PARD3B: variants seen among roughly 807,000 people sequenced by gnomAD.
The protein encoded by PARD3B is par-3 family cell polarity regulator beta, also known as partitioning defective 3 homolog B.
A neutral mutation model predicts 130.2 loss-of-function variants in PARD3B; 103 were observed. The ratio of observed to expected loss-of-function variants is 0.79; its 90% confidence interval spans 0.67 to 0.93. The LOEUF (loss-of-function observed/expected upper bound fraction) is 0.93, where lower values mean the gene tolerates loss of function less well. PARD3B is among the 40% of genes least tolerant of loss of function. The pLI is 0.00. For missense variants in PARD3B, 1,609 were observed against 1,499.2 expected (o/e 1.07, Z -1.21); for synonymous variants, 583 against 553.2 (o/e 1.05, Z -0.76).
At chr2:204,684,193 T>C (rs2036970650) in intron 1 of PARD3B, among the ~76,000 whole-genome samples, 1 of 152,204 alleles carries the variant, frequency 6.6e-6, no homozygotes. Context: ...ACCTCCATCG[T>C]AGGTGATAAA....
chr2:205,551,220 A>G (rs2052631844), intron 21 of PARD3B, among the ~76,000 whole-genome samples: 1 of 151,884 alleles, frequency 6.6e-6, no homozygotes, highest in Non-Finnish European at 1.5e-5. Context: ...AATCACAATT[A>G]ATAACCTTCA....
At chr2:205,332,299 G>T (rs899638982) in intron 18 of PARD3B, among the ~76,000 whole-genome samples, 1 of 152,068 alleles carries the variant, frequency 6.6e-6, no homozygotes, top group Admixed American at 6.5e-5. Flanking sequence ...ATCCATACTC[G>T]TAAACTGTAT....
At chr2:204,796,012 A>G (rs2042362430) in intron 2 of PARD3B, among the ~76,000 whole-genome samples, 1 of 152,174 alleles carries the variant, frequency 6.6e-6, no homozygotes, top group Non-Finnish European at 1.5e-5. Flanking sequence ...TCTCTTTTGC[A>G]TATATGTCAT....
chr2:205,445,931 A>G (rs1406878924), intron 20 of PARD3B, among the ~76,000 whole-genome samples: 1 of 152,136 alleles, frequency 6.6e-6, no homozygotes, highest in Non-Finnish European at 1.5e-5. Flanking sequence ...TCAGTACTGG[A>G]CTCACCAGGG....
intron 1 of PARD3B, among the ~76,000 whole-genome samples, chr2:204,561,009 A>G (rs951105464): frequency 1.7e-5 from 2 of 118,662 alleles, no homozygotes; most frequent in Non-Finnish European, 3.5e-5. Flanking sequence ...TTCAGTGAAT[A>G]TGCCTGTGTT....
intron 1 of PARD3B, among the ~76,000 whole-genome samples, chr2:204,547,093 G>A (rs931246383): frequency 1.3e-5 from 2 of 152,154 alleles, no homozygotes; most frequent in South Asian, 2.1e-4. Flanking sequence ...ATTTGGTCTC[G>A]TGCCATGTGA....
chr2:205,256,182 G>GT (rs2040075134), intron 16 of PARD3B, among the ~76,000 whole-genome samples: 1 of 39,306 alleles, frequency 2.5e-5, no homozygotes, highest in Non-Finnish European at 7.2e-5. Context: ...CTCTCAGGAT[G>GT]TTTTTTTTAA....
At chr2:205,231,096 G>A (rs7593566) in intron 15 of PARD3B, among the ~76,000 whole-genome samples, 33,916 of 151,900 alleles carry the variant, frequency 0.22, 4,120 homozygotes, top group East Asian at 0.4. Context: ...TGAAGTAAAA[G>A]TGGTTACTGT....
intron 2 of PARD3B, among the ~76,000 whole-genome samples, chr2:204,806,684 A>G (rs2125513367): frequency 6.6e-6 from 1 of 151,664 alleles, no homozygotes; most frequent in Admixed American, 6.6e-5. Flanking sequence ...CAATGGAAAT[A>G]CTCAACAAAG....
At chr2:205,521,359 G>A (rs959378018) in intron 21 of PARD3B, among the ~76,000 whole-genome samples, 2 of 151,788 alleles carry the variant, frequency 1.3e-5, no homozygotes, top group Non-Finnish European at 2.9e-5. Context: ...ACTTGTTAAA[G>A]TTCTTGATGT....
At chr2:205,068,613 A>G (rs541585769) in intron 4 of PARD3B, among the ~76,000 whole-genome samples, 2 of 151,622 alleles carry the variant, frequency 1.3e-5, no homozygotes, top group Admixed American at 1.3e-4. Flanking sequence ...AGCTTCTTGT[A>G]TGCTTAACTC....
chr2:204,871,674 A>G (rs1254627341), intron 2 of PARD3B, among the ~76,000 whole-genome samples: 1 of 152,058 alleles, frequency 6.6e-6, no homozygotes, highest in East Asian at 1.9e-4. Context: ...GCACTTACAA[A>G]CTCACTGCTT....
At position 205,530,131 on chromosome 2, in the gene PARD3B, TGGAAA is replaced by T. The variant is rs2051523680; in HGVS notation, c.3181-23187_3181-23183del. 6.6e-6 allele frequency among the ~76,000 whole-genome samples: 1 copy of T among 152,150 alleles called. No individual in the cohort carries two copies. The highest frequency in any genetic ancestry group is 1.5e-5 in the Non-Finnish European group (1 of 68,024). On this transcript the variant is annotated intron_variant, in intron 21 of 22. Coordinates refer to ENST00000406610, the MANE Select transcript of PARD3B (RefSeq NM_001302769.2). This position sits in a 1 kb window ranked among gnomAD's most constrained non-coding sequence, Gnocchi z 4.7. ...CAAAAGAGTGGCACACAGGAGCATG[TGGAAA>T]GGAAATAATATGCACATCTAACCTT...
At position 205,572,033 on chromosome 2, in the gene PARD3B, A is replaced by G. The variant is rs534707248; in HGVS notation, c.3260+18630A>G. ...ATTGGAGCAGTCGAGCTGTGGAGTT[A>G]TTTTGTTTATTGTTCTGAAGTTCTA... On this transcript the variant is annotated intron_variant, in intron 22 of 22. Transcript: ENST00000406610. The surrounding 1 kb of genome is among the most constrained non-coding windows in gnomAD (Gnocchi z 4.2). 8.7e-4 allele frequency among the ~76,000 whole-genome samples: 132 copies of G among 152,278 alleles called. No homozygotes were observed. Among genetic ancestry groups the G allele is most frequent in the African/African-American group, 2.8e-3 (116 of 41,574 alleles).
At chr2:205,439,205 C>G (rs908063948) in intron 19 of PARD3B, among the ~76,000 whole-genome samples, 1 of 152,012 alleles carries the variant, frequency 6.6e-6, no homozygotes, top group African/African-American at 2.4e-5. Context: ...TTAACTCGTC[C>G]TGGCCTCCCG....
chr2:204,755,182 C>T (rs2040613967), intron 2 of PARD3B, among the ~76,000 whole-genome samples: 1 of 152,004 alleles, frequency 6.6e-6, no homozygotes, highest in Non-Finnish European at 1.5e-5. Flanking sequence ...GTAGAAAGGA[C>T]TCTGCTAGTG....
intron 19 of PARD3B, among the ~76,000 whole-genome samples, chr2:205,423,736 C>T (rs2047051655): frequency 6.6e-6 from 1 of 152,164 alleles, no homozygotes; most frequent in Non-Finnish European, 1.5e-5. Flanking sequence ...GATACCTATA[C>T]ACCGTGGAAT....
chr2:205,182,509 A>G (rs1010205019), intron 13 of PARD3B, among the ~76,000 whole-genome samples: 8 of 152,122 alleles, frequency 5.3e-5, no homozygotes, highest in South Asian at 2.1e-4. Flanking sequence ...ACTGTAGAAG[A>G]CATGGAAAAA....
intron 21 of PARD3B, among the ~76,000 whole-genome samples, chr2:205,501,019 C>G (rs2050139938): frequency 6.6e-6 from 1 of 152,144 alleles, no homozygotes; most frequent in Non-Finnish European, 1.5e-5. Flanking sequence ...GAGTTTCACA[C>G]TCAGGTTTAT....
Sources: allele counts gnomAD v4.1 joint callset (sites outside exome capture counted in the v4.1 genomes callset), GRCh38; gene constraint gnomAD v4.1.1; non-coding constraint Gnocchi (gnomAD v3.1); transcripts MANE v1.5; gene names NCBI Gene and HGNC (gene_info 2026-07-23, HGNC 2026-07-21).